The following PTPA variants were observed in gnomAD, a reference collection of about 807,000 sequenced individuals.
PTPA encodes the protein protein phosphatase 2 phosphatase activator, also known as serine/threonine-protein phosphatase 2A activator.
In PTPA, 13 loss-of-function variants were observed where a neutral mutation model predicts 43.6. The ratio of observed to expected loss-of-function variants is 0.30; its 90% confidence interval spans 0.19 to 0.47. The LOEUF (loss-of-function observed/expected upper bound fraction) is 0.47. Ranked by LOEUF, PTPA falls within the 20% of genes least tolerant of loss-of-function variation. The pLI is 0.99. For missense variants in PTPA, 329 were observed against 411.9 expected (o/e 0.80, Z 1.74); for synonymous variants, 172 against 158.2 (o/e 1.09, Z -0.66).
intron 1 of PTPA, among the ~76,000 whole-genome samples, chr9:129,114,223 G>A (rs192090931): frequency 6.6e-6 from 1 of 152,078 alleles, no homozygotes; most frequent in Non-Finnish European, 1.5e-5. Context: ...GGATTTCGCC[G>A]TGTGGGCCAG....
intron 4 of PTPA, among the ~76,000 whole-genome samples, chr9:129,129,829 G>A (rs1394605035): frequency 1.3e-5 from 2 of 152,104 alleles, no homozygotes; most frequent in Non-Finnish European, 2.9e-5. Flanking sequence ...CTCAGAATTC[G>A]GGGAGGTTAA....
chr9:129,146,805 C>G lies in PTPA; in HGVS notation c.895-582C>G, dbSNP rs528236875. Among the ~76,000 whole-genome samples the G allele has an allele frequency of 1.1e-4, 16 of 152,326 alleles. No individual in the cohort carries two copies. The South Asian group carries it at 1.2e-3, about 12-fold the overall frequency. ...TGGGCTCAGGGAGTCGGGCCTCCCC[C>G]GTGCTCAGCCATTCCCCTGTTCAGC... On this transcript the variant is annotated intron_variant, in intron 9 of 9. Transcript: ENST00000393370.
intron 1 of PTPA, chr9:129,118,884 T>C (rs1466706800): frequency 6.6e-6 from 1 of 152,190 alleles, no homozygotes; most frequent in Non-Finnish European, 1.5e-5. Flanking sequence ...TAGATTCCTG[T>C]AAGTAGACCT....
chr9:129,126,710 T>C (rs1466556985), intron 3 of PTPA, among the ~76,000 whole-genome samples: 1 of 152,102 alleles, frequency 6.6e-6, no homozygotes, highest in Non-Finnish European at 1.5e-5. Context: ...ATGGGAGAGC[T>C]GGAGTTGTTC....
At chr9:129,111,059 G>A (rs76817874), upstream of PTPA, 10,698 of 1,368,274 alleles carry the variant, frequency 7.8e-3, 722 homozygotes, top group African/African-American at 0.14. Flanking sequence ...TTCCAACTCC[G>A]TCTGGTGTCC....
At chr9:129,134,543 A>G (rs1850225061) in intron 5 of PTPA, among the ~76,000 whole-genome samples, 2 of 152,046 alleles carry the variant, frequency 1.3e-5, no homozygotes, top group African/African-American at 4.8e-5. Flanking sequence ...AGCTCAAGCA[A>G]GCTGCCTGCC....
chr9:129,139,944 G>A (rs1487129664), intron 8 of PTPA: 3 of 152,242 alleles, frequency 2.0e-5, no homozygotes, highest in African/African-American at 7.2e-5. Context: ...GCCCAGGGCA[G>A]GCAGGAAAAG....
intron 8 of PTPA, among the ~76,000 whole-genome samples, chr9:129,141,445 G>A (rs1850820376): frequency 6.6e-6 from 1 of 152,188 alleles, no homozygotes; most frequent in Non-Finnish European, 1.5e-5. Flanking sequence ...CATGGGTCTG[G>A]GGTACAGAGC....
At chr9:129,135,644 C>T (rs893557675) in intron 6 of PTPA, among the ~76,000 whole-genome samples, 2 of 152,258 alleles carry the variant, frequency 1.3e-5, no homozygotes, top group African/African-American at 4.8e-5. Flanking sequence ...CCAAGCCAGT[C>T]GCTGGGCAGC....
At chr9:129,135,294 G>A (rs1236284251) in intron 6 of PTPA, among the ~76,000 whole-genome samples, 1 of 152,150 alleles carries the variant, frequency 6.6e-6, no homozygotes, top group East Asian at 1.9e-4. Flanking sequence ...TCAGGAGGCT[G>A]AGGCAGAAGA....
At chr9:129,147,242 C>G (rs1383879239) in intron 9 of PTPA, 145 bp from the exon 10 acceptor site, 1 of 686,178 alleles carries the variant, frequency 1.5e-6, no homozygotes. Context: ...GAGTGAGGAA[C>G]TGGGGGAGGA....
At chr9:129,146,770 C>T (rs17486548) in intron 9 of PTPA, among the ~76,000 whole-genome samples, 15,563 of 152,238 alleles carry the variant, frequency 0.1, 2,598 homozygotes, top group African/African-American at 0.35. Flanking sequence ...GCTAGGAGCC[C>T]GGGCTGGGCT....
chr9:129,146,132 T>C (rs975580304), intron 9 of PTPA, among the ~76,000 whole-genome samples: 1 of 152,082 alleles, frequency 6.6e-6, no homozygotes, highest in African/African-American at 2.4e-5. Context: ...TTATGACCAC[T>C]TCTGGGATGA....
At chr9:129,132,746 C>T (rs76679213) in intron 5 of PTPA, among the ~76,000 whole-genome samples, 10 of 152,174 alleles carry the variant, frequency 6.6e-5, no homozygotes, top group Non-Finnish European at 1.5e-4. Context: ...CCCACCTTGG[C>T]CTCCCAAAGT....
At chr9:129,121,361 GCTTGGGGC>G (rs1849238386) in intron 2 of PTPA, among the ~76,000 whole-genome samples, 1 of 152,208 alleles carries the variant, frequency 6.6e-6, no homozygotes, top group Non-Finnish European at 1.5e-5. Flanking sequence ...CCTCACTGGG[GCTTGGGGC>G]CATCTAAACC....
chr9:129,116,754 C>T (rs921271879), intron 1 of PTPA, among the ~76,000 whole-genome samples: 1 of 151,884 alleles, frequency 6.6e-6, no homozygotes, highest in Non-Finnish European at 1.5e-5. Flanking sequence ...TGGTCTTGAA[C>T]TCCTGAGCCC....
chr9:129,135,399 A>G (rs928034222), intron 6 of PTPA, among the ~76,000 whole-genome samples: 2 of 152,216 alleles, frequency 1.3e-5, no homozygotes, highest in Non-Finnish European at 2.9e-5. Flanking sequence ...TCTTAAAAAA[A>G]AAAAGAATTG....
intron 8 of PTPA, chr9:129,140,040 A>G (rs1399940812): frequency 2.0e-5 from 3 of 152,532 alleles, no homozygotes. Flanking sequence ...AGCTGACAGG[A>G]AGGCGCTGTG....
chr9:129,145,331 G>GA lies in PTPA; in HGVS notation c.895-2041dup, dbSNP rs758902038. On this transcript the variant is annotated intron_variant, in intron 9 of 9. Transcript: ENST00000393370. The stretch of plus-strand genomic sequence containing the variant: ...GGGCAACAGCGAGACTCCATCTCAG[G>GA]AAAAAAAAAAAAAAAGATCACCAAG... Among the ~76,000 whole-genome samples the GA allele has an allele frequency of 5.8e-3, 770 of 133,098 alleles. 1 individual carries two copies. Among genetic ancestry groups the GA allele is most frequent in the Admixed American group, 7.9e-3 (105 of 13,358 alleles). 87.3% of individuals were successfully genotyped at this position (133,098 alleles called of 152,430 possible). A position where few individuals can be genotyped will look rare whatever the true frequency, so the allele number is the denominator to read the frequency against.
Sources: gnomAD v4.1 joint callset for allele counts (sites outside exome capture counted in the v4.1 genomes callset) on GRCh38, gnomAD v4.1.1 for gene constraint, MANE v1.5 for transcripts, NCBI Gene and HGNC (gene_info 2026-07-23, HGNC 2026-07-21) for gene names.